PTPRK: variants seen among roughly 807,000 people sequenced by gnomAD.
PTPRK encodes the protein receptor-type tyrosine-protein phosphatase kappa.
Under a neutral mutation model 178.0 loss-of-function variants are expected in PTPRK, and 75 were observed. That is an observed-to-expected ratio of 0.42 (90% CI 0.35 to 0.51). The LOEUF is 0.51. PTPRK is among the 20% of genes least tolerant of loss of function. The probability of loss-of-function intolerance (pLI) is 0.02; values close to 1 mark genes in which losing one functional copy is unlikely to be tolerated. For missense variants in PTPRK, 1,441 were observed against 1,797.8 expected, an observed-to-expected ratio of 0.80 and a Z score of 3.59; for synonymous variants, 637 against 620.6, an observed-to-expected ratio of 1.03 and a Z score of -0.39.
At chr6:128,338,592 C>T (rs1562311742) in intron 2 of PTPRK, among the ~76,000 whole-genome samples, 3 of 152,118 alleles carry the variant, frequency 2.0e-5, no homozygotes, top group Non-Finnish European at 4.4e-5. Context: ...CAGTGGAGAC[C>T]TACTGCTGGG....
At chr6:128,131,059 T>C (rs938407093) in intron 7 of PTPRK, among the ~76,000 whole-genome samples, 1 of 152,190 alleles carries the variant, frequency 6.6e-6, no homozygotes, top group African/African-American at 2.4e-5. Flanking sequence ...CCATTTTCTT[T>C]CTCTTTTCCA....
intron 1 of PTPRK, among the ~76,000 whole-genome samples, chr6:128,415,954 T>C (rs1438743522): frequency 6.6e-6 from 1 of 152,120 alleles, no homozygotes; most frequent in Admixed American, 6.5e-5. Context: ...TATTTGTAGG[T>C]GACATCAGAG....
chr6:128,063,705 C>A (rs1002131796), intron 13 of PTPRK, among the ~76,000 whole-genome samples: 1 of 152,142 alleles, frequency 6.6e-6, no homozygotes, highest in African/African-American at 2.4e-5. Context: ...CAAAAGGAAT[C>A]TTCATAAGTG....
rs530295457 is a variant in PTPRK, at chr6:128,113,688, TG to T, written c.1163-23697del. Among the ~76,000 whole-genome samples, 317 of 152,140 alleles carry T rather than the reference TG, an allele frequency of 2.1e-3. 2 individuals carry two copies. The highest frequency in any genetic ancestry group is 7.2e-3 in the African/African-American group (298 of 41,548). The stretch of plus-strand genomic sequence containing the variant: ...CATGGGGGTCCCAGAACCAATTCCT[TG>T]TGTATATTGAAAGACAGTTGTAAAT... On this transcript the variant is annotated intron_variant, in intron 7 of 29. Transcript: ENST00000368226.
chr6:128,455,074 T>G lies in PTPRK; in HGVS notation c.101-57386A>C, dbSNP rs570860033. On this transcript the variant is annotated intron_variant, in intron 1 of 29. Transcript: ENST00000368226. ...TATAAAACAAACTATTCTAAGTAACTCAGAAGCTTAGTTTTTCTAGCTCCT... is the reference window on the plus strand; with the variant it reads ...TATAAAACAAACTATTCTAAGTAACGCAGAAGCTTAGTTTTTCTAGCTCCT... 2.7e-4 allele frequency among the ~76,000 whole-genome samples: 41 copies of G among 152,260 alleles called. 1 individual carries two copies. The highest frequency in any genetic ancestry group is 9.4e-4 in the African/African-American group (39 of 41,570).
intron 1 of PTPRK, among the ~76,000 whole-genome samples, chr6:128,477,239 G>A (rs1407637046): frequency 6.6e-6 from 1 of 151,956 alleles, no homozygotes; most frequent in East Asian, 1.9e-4. Context: ...ATTATAGCTA[G>A]GCAAGAGATC....
chr6:128,469,148 A>T (rs1038945761), intron 1 of PTPRK, among the ~76,000 whole-genome samples: 1 of 152,172 alleles, frequency 6.6e-6, no homozygotes, highest in Non-Finnish European at 1.5e-5. Flanking sequence ...AAGAAACAGA[A>T]ATGACTACTA....
At chr6:128,047,930 T>C (rs1242143762) in intron 13 of PTPRK, among the ~76,000 whole-genome samples, 1 of 152,160 alleles carries the variant, frequency 6.6e-6, no homozygotes, top group Non-Finnish European at 1.5e-5. Flanking sequence ...CTGAGTTGGC[T>C]AATTTGTTTA....
chr6:128,355,761 C>A (rs1176633186), intron 2 of PTPRK, among the ~76,000 whole-genome samples: 4 of 151,878 alleles, frequency 2.6e-5, no homozygotes, highest in Non-Finnish European at 4.4e-5. Flanking sequence ...CAAACCTGCA[C>A]GTTGTGCACA....
chr6:128,049,918 C>T (rs1378413781), intron 13 of PTPRK, among the ~76,000 whole-genome samples: 1 of 152,152 alleles, frequency 6.6e-6, no homozygotes, highest in Non-Finnish European at 1.5e-5. Flanking sequence ...GGGTGGAGCA[C>T]CTGAGGTCGG....
chr6:128,089,396 T>C (rs1248411460), intron 8 of PTPRK, among the ~76,000 whole-genome samples: 6 of 152,232 alleles, frequency 3.9e-5, no homozygotes, highest in Admixed American at 3.3e-4. Flanking sequence ...AGAGTAAAAA[T>C]TATTTTTGAA....
chr6:128,125,258 G>C (rs946529923), intron 7 of PTPRK, among the ~76,000 whole-genome samples: 4 of 152,088 alleles, frequency 2.6e-5, no homozygotes, highest in South Asian at 4.2e-4. Context: ...TGGTGGGAGG[G>C]GATTGGATCA....
chr6:127,976,550 T>C lies in PTPRK; in HGVS notation c.3969+107A>G. The C allele has an allele frequency of 6.1e-6, 8 of 1,316,214 alleles. No homozygotes were observed. In the East Asian group the frequency reaches 9.6e-5, roughly 16 times the overall value. The allele number at this position is 1,316,214 out of a possible 1,614,324, so 81.5% of individuals were successfully genotyped here. A position where few individuals can be genotyped will look rare whatever the true frequency, so the allele number is the denominator to read the frequency against. ...GTTACTAGCTTTGAGGTGGATGATA[T>C]AGTGCTTATTAATTGTAGTCTCCCT... On this transcript the variant is annotated intron_variant, in intron 27 of 29. Transcript: ENST00000368226.
At chr6:127,976,528 A>T in intron 27 of PTPRK, 129 bp downstream of exon 27, 1 of 1,123,198 alleles carries the variant, frequency 8.9e-7, no homozygotes, top group Non-Finnish European at 1.3e-6. Flanking sequence ...TAAGATGGTT[A>T]CTAGCTTTGA....
intron 6 of PTPRK, among the ~76,000 whole-genome samples, chr6:128,190,391 A>G (rs58364896): frequency 0.038 from 5,704 of 150,432 alleles, 359 homozygotes; most frequent in African/African-American, 0.13. Flanking sequence ...CTAAATTACT[A>G]TTAAGTTTTA....
chr6:128,208,845 G>GCACCCCAATC (rs1462175454), intron 6 of PTPRK, among the ~76,000 whole-genome samples: 2 of 152,066 alleles, frequency 1.3e-5, no homozygotes, highest in Non-Finnish European at 2.9e-5. Flanking sequence ...TTTTAAAACT[G>GCACCCCAATC]GATATGTTCC....
intron 10 of PTPRK, among the ~76,000 whole-genome samples, chr6:128,080,345 G>A (rs1427163756): frequency 2.0e-5 from 3 of 151,948 alleles, no homozygotes; most frequent in Non-Finnish European, 2.9e-5. Flanking sequence ...TCATCCCGCT[G>A]ATTATAAGAT....
At chr6:128,387,319 A>C (rs1347264625) in intron 2 of PTPRK, among the ~76,000 whole-genome samples, 1 of 152,196 alleles carries the variant, frequency 6.6e-6, no homozygotes, top group African/African-American at 2.4e-5. Context: ...TCTGTGAGAA[A>C]AGACTTAACT....
At chr6:128,271,051 T>C (rs1265172424) in intron 3 of PTPRK, among the ~76,000 whole-genome samples, 3 of 152,014 alleles carry the variant, frequency 2.0e-5, no homozygotes, top group African/African-American at 7.2e-5. Context: ...AAGAGTAGCC[T>C]TGAAGGTATT....
Sources: gnomAD v4.1 joint callset for allele counts (sites outside exome capture counted in the v4.1 genomes callset) on GRCh38, gnomAD v4.1.1 for gene constraint, MANE v1.5 for transcripts, NCBI Gene and HGNC (gene_info 2026-07-23, HGNC 2026-07-21) for gene names.